The following LRRC56 variants were observed in gnomAD, a reference collection of about 807,000 sequenced individuals.
LRRC56 encodes leucine-rich repeat-containing protein 56.
In LRRC56, 41 loss-of-function variants were observed where a neutral mutation model predicts 47.8. The observed-to-expected ratio is 0.86, with a 90% CI of 0.67 to 1.11. The LOEUF is 1.11. Ranked by LOEUF, LRRC56 falls within the 50% of genes most tolerant of loss-of-function variation. The probability of loss-of-function intolerance (pLI) is 0.00; values close to 1 mark genes in which losing one functional copy is unlikely to be tolerated. For synonymous variants in LRRC56, 387 were observed against 311.2 expected, an observed-to-expected ratio of 1.24 and a Z score of -2.56; for missense variants, 759 against 704.2, an observed-to-expected ratio of 1.08 and a Z score of -0.88.
chr11:541,678 A>G lies in LRRC56; in HGVS notation c.265+54A>G. Reference sequence around the variant, plus strand: ...ACGGCCACGGCCACGCCTCCCTGTAAACAACACACGTTTCCTGGTTATGAC... The same window carrying G: ...ACGGCCACGGCCACGCCTCCCTGTAGACAACACACGTTTCCTGGTTATGAC... On this transcript the variant is annotated intron_variant, in intron 5 of 13. Transcript: ENST00000270115. The surrounding 1 kb of genome is among the most constrained non-coding windows in gnomAD (Gnocchi z 4.1). 1 of 1,112,058 alleles carries G rather than the reference A, an allele frequency of 9.0e-7. No individual in the cohort carries two copies. The highest frequency in any genetic ancestry group is 1.5e-5 in the South Asian group (1 of 66,056). 68.9% of individuals were successfully genotyped at this position (1,112,058 alleles called of 1,614,324 possible). A position where few individuals can be genotyped will look rare whatever the true frequency, so the allele number is the denominator to read the frequency against.
At position 552,134 on chromosome 11, in the gene LRRC56, T is replaced by C. The variant is rs1564807773; in HGVS notation, c.1083T>C (p.Asp361=). 2 of 1,612,548 alleles carry C rather than the reference T, an allele frequency of 1.2e-6. No individual in the cohort carries two copies. Among genetic ancestry groups the C allele is most frequent in the African/African-American group, 2.7e-5 (2 of 75,026 alleles). The change falls in exon 12 of 14, where the codon GAT becomes GAC. Residue 361 remains aspartate (D), a synonymous_variant. Coordinates refer to ENST00000270115, the MANE Select transcript of LRRC56 (RefSeq NM_198075.4). Reference sequence around the variant, plus strand: ...AGCTGCCCCAACACAGGCCAGGAGATCCGGCCGCCAGCACTTCCACCCCAG... The same window carrying C: ...AGCTGCCCCAACACAGGCCAGGAGACCCGGCCGCCAGCACTTCCACCCCAG... ...PEQLPQHRPG[D]PAASTSTPEP... is the part of the protein sequence containing the mutation.
chr11:552,778 C>T (rs931425385), intron 13 of LRRC56, 76 bp downstream of exon 13: 2 of 1,284,426 alleles, frequency 1.6e-6, no homozygotes, highest in East Asian at 2.4e-5. Flanking sequence ...GCCCTTACCC[C>T]AGATCAGATG....
chr11:533,416 G>A (rs770890379), upstream of LRRC56: 21 of 1,609,666 alleles, frequency 1.3e-5, no homozygotes, highest in Non-Finnish European at 1.7e-5. Context: ...GGGCGGGGCG[G>A]GTCCCTGGCT....
chr11:509,066 C>T, the LRRC56 span, among the ~76,000 whole-genome samples: 3 of 151,532 alleles, frequency 2.0e-5, no homozygotes, highest in Non-Finnish European at 2.9e-5. Flanking sequence ...AAAGAAACTC[C>T]GTCTCAAAAA....
chr11:549,863 G>A (rs1180930829), intron 6 of LRRC56, 39 bp from the exon 7 acceptor site: 1 of 1,574,050 alleles, frequency 6.4e-7, no homozygotes, highest in Non-Finnish European at 8.7e-7. Context: ...TGAGCACAGG[G>A]CTGGGCACAT....
At chr11:510,554 A>G in the LRRC56 span, among the ~76,000 whole-genome samples, 2 of 151,976 alleles carry the variant, frequency 1.3e-5, no homozygotes, top group Admixed American at 6.5e-5. Context: ...CCTGACCAAC[A>G]TGGAGAAACC....
chr11:541,261 G>A lies in LRRC56; in HGVS notation c.178-276G>A, dbSNP rs1220849957. Among the ~76,000 whole-genome samples the A allele has an allele frequency of 2.0e-5, 3 of 152,142 alleles. No homozygotes were observed. Among genetic ancestry groups the A allele is most frequent in the Admixed American group, 2.0e-4 (3 of 15,286 alleles). On this transcript the variant is annotated intron_variant, in intron 4 of 13. Coordinates refer to ENST00000270115, the MANE Select transcript of LRRC56 (RefSeq NM_198075.4). The surrounding 1 kb of genome is among the most constrained non-coding windows in gnomAD (Gnocchi z 4.1). ...CGGCGCGGTCCGGGCTCTGGGTGCC[G>A]GGTGTGGTGTGTCTGCCCTGGGAGT...
rs1363402455 is a variant in LRRC56 at position 554,053 on chromosome 11, C to G, written c.1406C>G (p.Ser469Trp). The change falls in exon 14 of 14, where the codon TCG becomes TGG. Residue 469 changes from serine to tryptophan, a missense_variant. Coordinates refer to ENST00000270115, the MANE Select transcript of LRRC56 (RefSeq NM_198075.4). ...RDSGSSSPRW[S>W]TDLQSRGRRL... ...TCTGGCAGCAGCTCCCCGCGGTGGT[C>G]GACAGACCTGCAGTCCAGGGGGCGT... 6 of 1,611,286 alleles carry G rather than the reference C, an allele frequency of 3.7e-6. 1 individual carries two copies. The highest frequency in any genetic ancestry group is 3.3e-5 in the South Asian group (3 of 91,060).
At chr11:549,834 G>A in intron 6 of LRRC56, 68 bp from the exon 7 acceptor site, 5 of 1,430,248 alleles carry the variant, frequency 3.5e-6, no homozygotes, top group South Asian at 1.2e-5. Flanking sequence ...CCTGAAGACA[G>A]CCAAAGGCAG....
At chr11:512,228 C>T in the LRRC56 span, among the ~76,000 whole-genome samples, 3 of 151,642 alleles carry the variant, frequency 2.0e-5, no homozygotes, top group East Asian at 5.8e-4. Flanking sequence ...AGGTGTGAGC[C>T]ACAAAGCCTT....
chr11:551,947 G>C lies in LRRC56; in HGVS notation c.1018G>C (p.Glu340Gln). The change falls in exon 11 of 14, where the codon GAG becomes CAG. Residue 340 changes from glutamate to glutamine, a missense_variant. Coordinates refer to ENST00000270115, the MANE Select transcript of LRRC56 (RefSeq NM_198075.4). ...LCGNPTKGLR[E>Q]RRHQCQAREP... ...TGGGAACCCCACCAAGGGCCTGCGG[G>C]AGCGTAGGCACCAGTGCCAGGTACA... 3 of 1,612,694 alleles carry C rather than the reference G, an allele frequency of 1.9e-6. No homozygotes were observed. The highest frequency in any genetic ancestry group is 2.5e-6 in the Non-Finnish European group (3 of 1,179,922).
chr11:551,619 C>G (rs778206632), intron 9 of LRRC56, 32 bp from the exon 10 acceptor site: 88 of 1,527,376 alleles, frequency 5.8e-5, no homozygotes, highest in Non-Finnish European at 7.6e-5. Context: ...CAGGCTGGGC[C>G]TTGGTGACCT....
the LRRC56 span, chr11:532,241 A>T: frequency 2.5e-6 from 1 of 403,848 alleles, no homozygotes. Flanking sequence ...GAAAACCAAG[A>T]TCAAGACCAT....
At chr11:551,061 G>A in intron 8 of LRRC56, 70 bp from the exon 9 acceptor site, 2 of 940,590 alleles carry the variant, frequency 2.1e-6, no homozygotes, top group Non-Finnish European at 3.0e-6. Flanking sequence ...AGGGAGCCAG[G>A]GAAAGAGCTG....
chr11:532,432 C>A, the LRRC56 span: 1 of 695,146 alleles, frequency 1.4e-6, no homozygotes, highest in Non-Finnish European at 2.4e-6. Flanking sequence ...TCCAGCAGCC[C>A]TTCCTTCCTT....
the LRRC56 span, among the ~76,000 whole-genome samples, chr11:524,524 G>A: frequency 2.2e-4 from 33 of 152,040 alleles, no homozygotes; most frequent in South Asian, 8.3e-4. Flanking sequence ...ACAGCTACTC[G>A]GGAGGCTGAG....
intron 6 of LRRC56, among the ~76,000 whole-genome samples, chr11:545,712 A>G (rs1231060459): frequency 6.6e-6 from 1 of 152,236 alleles, no homozygotes; most frequent in Non-Finnish European, 1.5e-5. Flanking sequence ...AAGGGAAAGA[A>G]CAAGGCTGAA....
intron 13 of LRRC56, among the ~76,000 whole-genome samples, chr11:553,040 G>A (rs1852502310): frequency 1.3e-5 from 2 of 152,230 alleles, no homozygotes; most frequent in Non-Finnish European, 2.9e-5. Context: ...CCAGCAGGCA[G>A]AACATGGCCA....
At chr11:508,101 A>G in the LRRC56 span, among the ~76,000 whole-genome samples, 9 of 152,382 alleles carry the variant, frequency 5.9e-5, no homozygotes, top group African/African-American at 9.6e-5. Flanking sequence ...ATTGCAAGTA[A>G]GGAAACTAAC....
Sources: gnomAD v4.1 joint callset for allele counts (sites outside exome capture counted in the v4.1 genomes callset) on GRCh38, gnomAD v4.1.1 for gene constraint, Gnocchi (gnomAD v3.1) non-coding constraint, MANE v1.5 for transcripts, NCBI Gene and HGNC (gene_info 2026-07-23, HGNC 2026-07-21) for gene names.